Variants in SPATS2L observed in about 807,000 individuals in gnomAD.
The protein encoded by SPATS2L is SPATS2-like protein.
SPATS2L carries 30 observed loss-of-function variants against 59.6 expected under a neutral mutation model. The observed-to-expected ratio is 0.50, with a 90% CI of 0.38 to 0.68. The LOEUF is 0.68. Among genes scored for constraint, SPATS2L ranks in the 30% least tolerant of loss-of-function variants. SPATS2L has a pLI of 0.00. For synonymous variants in SPATS2L, 252 were observed against 263.5 expected (o/e 0.96, Z 0.42); for missense variants, 615 against 700.0 (o/e 0.88, Z 1.37).
Position 200,473,061 on chromosome 2 carries a change from A to G in SPATS2L, c.1281+9A>G, listed in dbSNP as rs750498867. 2.5e-6 allele frequency: 4 copies of G among 1,606,464 alleles called. No individual in the cohort carries two copies. The Admixed American group carries it at 6.8e-5, about 27-fold the overall frequency. ...TGCCGGCCAACAAGCAGGTAAGCCGACACTGGTGCAGGGTGCCAGAGGAAA... is the reference window on the plus strand; with the variant it reads ...TGCCGGCCAACAAGCAGGTAAGCCGGCACTGGTGCAGGGTGCCAGAGGAAA... On this transcript the variant is annotated intron_variant, in intron 12 of 12. Coordinates refer to ENST00000409140, the MANE Select transcript of SPATS2L (RefSeq NM_001100423.2).
chr2:200,314,623 C>G (rs1246029894), intron 1 of SPATS2L, among the ~76,000 whole-genome samples: 1 of 152,154 alleles, frequency 6.6e-6, no homozygotes, highest in Non-Finnish European at 1.5e-5. Context: ...GTGTCAGTCT[C>G]CTCTAATGAT....
Position 200,341,714 on chromosome 2 carries a change from G to A in SPATS2L, c.-23+12234G>A, listed in dbSNP as rs914913438. Among the ~76,000 whole-genome samples, 13 of 145,154 alleles carry A rather than the reference G, an allele frequency of 9.0e-5. 1 individual carries two copies. Among genetic ancestry groups the A allele is most frequent in the Non-Finnish European group, 1.7e-4 (11 of 66,596 alleles). On this transcript the variant is annotated intron_variant, in intron 2 of 12. Transcript: ENST00000409140. ...TAATTTTTTTTTTTTTTTTTAGACA[G>A]AGTTTTGCTCTGTCGCCCAGGCTGG...
chr2:200,450,034 C>T (rs1007764882), intron 8 of SPATS2L, among the ~76,000 whole-genome samples: 51 of 152,144 alleles, frequency 3.4e-4, no homozygotes, highest in Admixed American at 3.3e-3. Context: ...GTTTATTAAC[C>T]ACTTAATTAG....
At chr2:200,413,808 A>C (rs2082966916) in intron 4 of SPATS2L, among the ~76,000 whole-genome samples, 1 of 152,230 alleles carries the variant, frequency 6.6e-6, no homozygotes, top group South Asian at 2.1e-4. Flanking sequence ...AATGATTATC[A>C]TTCAGTAGAC....
At chr2:200,373,138 A>G (rs570551938) in intron 2 of SPATS2L, 12 of 152,304 alleles carry the variant, frequency 7.9e-5, no homozygotes, top group African/African-American at 2.9e-4. Context: ...TTTCCCCACC[A>G]TACAGCATGG....
At chr2:200,307,042 CG>C (rs2079041084) in intron 1 of SPATS2L, 120 bp downstream of exon 1, 1 of 858,784 alleles carries the variant, frequency 1.2e-6, no homozygotes, top group African/African-American at 1.8e-5. Flanking sequence ...CAGCCCGGGC[CG>C]CCCAGCCTCC....
Position 200,479,794 on chromosome 2 carries a change from C to T in SPATS2L, c.*1763C>T, listed in dbSNP as rs1433718681. The T allele has an allele frequency of 5.0e-6, 2 of 398,498 alleles. No homozygotes were observed. The highest frequency in any genetic ancestry group is 8.8e-6 in the Non-Finnish European group (2 of 226,110). The allele number at this position is 398,498 out of a possible 1,614,324, so 24.7% of individuals were successfully genotyped here. ...GCCCTGAGCAGCTGAGCCTGCAAGC[C>T]ACGCAAGCATCTGTTTCTTCTTTTG... is the stretch of plus-strand genomic sequence containing the variant. On this transcript the variant is annotated 3_prime_UTR_variant, in exon 13 of 13. Transcript: ENST00000409140.
chr2:200,386,914 A>T (rs2105921487), intron 2 of SPATS2L, among the ~76,000 whole-genome samples: 1 of 152,330 alleles, frequency 6.6e-6, no homozygotes, highest in African/African-American at 2.4e-5. Context: ...CATGATGCCG[A>T]AACTTTCATT....
intron 2 of SPATS2L, among the ~76,000 whole-genome samples, chr2:200,342,167 A>G (rs1323982851): frequency 6.6e-6 from 1 of 152,210 alleles, no homozygotes; most frequent in Non-Finnish European, 1.5e-5. Flanking sequence ...CTCACTGTGT[A>G]ATACTGGACC....
chr2:200,477,890 G>T lies in SPATS2L; in HGVS notation c.1536G>T (p.Gln512His). 6.2e-7 allele frequency: 1 copy of T among 1,610,334 alleles called. No individual in the cohort carries two copies. Among genetic ancestry groups the T allele is most frequent in the Non-Finnish European group, 8.5e-7 (1 of 1,178,338 alleles). Residue 512 changes from glutamine to histidine, a missense_variant, in exon 13 of 13, where the codon CAG becomes CAT. Gln to His is a conservative substitution (Grantham distance 24, BLOSUM62 0). Coordinates refer to ENST00000409140, the MANE Select transcript of SPATS2L (RefSeq NM_001100423.2). ...PAHSEKPRRR[Q>H]HAADTSEARP... ...ATTCTGAAAAGCCCCGGCGAAGGCA[G>T]CACGCTGCAGACACCTCGGAGGCCA...
intron 2 of SPATS2L, among the ~76,000 whole-genome samples, chr2:200,382,593 T>C (rs2081857223): frequency 6.6e-6 from 1 of 152,186 alleles, no homozygotes; most frequent in South Asian, 2.1e-4. Context: ...TATGATGGTT[T>C]TGAGGTGCTG....
chr2:200,479,313 A>C lies in SPATS2L; in HGVS notation c.*1282A>C, dbSNP rs899319116. The C allele has an allele frequency of 2.7e-6, 1 of 369,912 alleles. No individual in the cohort carries two copies. The highest frequency in any genetic ancestry group is 4.8e-6 in the Non-Finnish European group (1 of 208,328). 22.9% of individuals were successfully genotyped at this position (369,912 alleles called of 1,614,324 possible). ...CTTAAGACTCAAGTCTATTTTCCAC[A>C]CTGTCCAGAGGAGAGAAGTTATCCT... On this transcript the variant is annotated 3_prime_UTR_variant, in exon 13 of 13. Coordinates refer to ENST00000409140, the MANE Select transcript of SPATS2L (RefSeq NM_001100423.2).
chr2:200,321,917 T>G (rs1446475143), intron 1 of SPATS2L, among the ~76,000 whole-genome samples: 1 of 152,144 alleles, frequency 6.6e-6, no homozygotes, highest in Admixed American at 6.5e-5. Context: ...AGAGAGATAG[T>G]GGTGGTAGAG....
chr2:200,335,153 G>A (rs1265120583), intron 2 of SPATS2L, among the ~76,000 whole-genome samples: 3 of 152,092 alleles, frequency 2.0e-5, no homozygotes, highest in African/African-American at 4.8e-5. Context: ...GAGCATAGCA[G>A]TCTTATTAAA....
At chr2:200,347,320 C>A (rs1374614935) in intron 2 of SPATS2L, among the ~76,000 whole-genome samples, 1 of 152,274 alleles carries the variant, frequency 6.6e-6, no homozygotes, top group Non-Finnish European at 1.5e-5. Context: ...ACACAGAGAT[C>A]ACTAGGTGGG....
rs2087182087 is a variant in SPATS2L, at chr2:200,473,031, G to C, written c.1260G>C (p.Gln420His). The C allele has an allele frequency of 6.2e-7, 1 of 1,611,962 alleles. No homozygotes were observed. The highest frequency in any genetic ancestry group is 8.5e-7 in the Non-Finnish European group (1 of 1,179,526). The change falls in exon 12 of 13, where the codon CAG becomes CAC. Residue 420 changes from glutamine to histidine, a missense_variant. By Grantham distance (24) the Gln-to-His change is conservative. Around this residue, in one of 3 missense-constraint regions of SPATS2L, gnomAD observed 284 missense variants for 280.1 expected, o/e 1.01. Coordinates refer to ENST00000409140, the MANE Select transcript of SPATS2L (RefSeq NM_001100423.2). ...CCAGCACCGCCGACCCCTCTCACCA[G>C]ACCATGCCGGCCAACAAGCAGGTAA... ...SLPSTADPSH[Q>H]TMPANKQNGS...
At chr2:200,330,072 A>G (rs1017169985) in intron 2 of SPATS2L, among the ~76,000 whole-genome samples, 17 of 152,200 alleles carry the variant, frequency 1.1e-4, no homozygotes, top group Non-Finnish European at 2.1e-4. Context: ...CAGTCTTCGC[A>G]TGTCACTTAC....
chr2:200,450,127 T>A (rs2085336821), intron 8 of SPATS2L, among the ~76,000 whole-genome samples: 1 of 152,210 alleles, frequency 6.6e-6, no homozygotes, highest in Non-Finnish European at 1.5e-5. Context: ...TTGAGTTTTT[T>A]AACTCCTTCT....
intron 2 of SPATS2L, among the ~76,000 whole-genome samples, chr2:200,365,454 A>G (rs2081238484): frequency 6.6e-6 from 1 of 152,148 alleles, no homozygotes; most frequent in Non-Finnish European, 1.5e-5. Context: ...AGTTGAGGCC[A>G]TGTTTCAAAG....
Sources: gnomAD v4.1 joint callset for allele counts (sites outside exome capture counted in the v4.1 genomes callset) on GRCh38, gnomAD v4.1.1 for gene constraint, gnomAD v4.1.1 regional missense constraint, MANE v1.5 for transcripts, NCBI Gene and HGNC (gene_info 2026-07-23, HGNC 2026-07-21) for gene names.